Variants in THRB observed in about 807,000 individuals in gnomAD.
THRB encodes the protein nuclear receptor subfamily 1 group A member 2.
A neutral mutation model predicts 47.8 loss-of-function variants in THRB; 12 were observed. The ratio of observed to expected loss-of-function variants is 0.25; its 90% CI spans 0.16 to 0.41. The LOEUF is 0.41. Ranked by LOEUF, THRB falls within the 10% of genes least tolerant of loss-of-function variation. The pLI is 1.00. For missense variants in THRB, 348 were observed against 589.2 expected (o/e 0.59, Z 4.24); for synonymous variants, 218 against 212.2 (o/e 1.03, Z -0.24).
chr3:24,441,758 C>T (rs771220894), intron 1 of THRB, among the ~76,000 whole-genome samples: 4 of 152,170 alleles, frequency 2.6e-5, no homozygotes, highest in Non-Finnish European at 5.9e-5. Flanking sequence ...ATACCAATGA[C>T]AGATGAAACA....
intron 3 of THRB, among the ~76,000 whole-genome samples, chr3:24,233,613 A>AAGAAAGAAAGAAAGAG (rs1559684924): frequency 8.7e-5 from 12 of 137,306 alleles, no homozygotes; most frequent in African/African-American, 1.6e-4. Flanking sequence ...GAAAGAAAGA[A>AAGAAAGAAAGAAAGAG]AGAGAAAGAG....
Position 24,121,049 on chromosome 3 carries a change from T to C in THRB, c.*1835A>G, listed in dbSNP as rs144353944. On this transcript the variant is annotated 3_prime_UTR_variant, in exon 11 of 11. Coordinates refer to ENST00000646209, the MANE Select transcript of THRB (RefSeq NM_001354712.2). ...ATTTCGAGCCAATAACAAATTTACG[T>C]TCCTTAACTGTTAAGTGGGCCATAC... The C allele has an allele frequency of 2.4e-3, 372 of 152,336 alleles. No individual in the cohort carries two copies. Among genetic ancestry groups the C allele is most frequent in the African/African-American group, 8.5e-3 (353 of 41,576 alleles). The allele number at this position is 152,336 out of a possible 1,614,324, so 9.4% of individuals were successfully genotyped here.
intron 5 of THRB, among the ~76,000 whole-genome samples, chr3:24,189,072 A>G (rs1439065137): frequency 6.6e-6 from 1 of 151,830 alleles, no homozygotes; most frequent in Admixed American, 6.6e-5. Flanking sequence ...GAAAACCTAA[A>G]AGACCAGTTC....
chr3:24,134,105 TCTG>T (rs1478568302), intron 8 of THRB, among the ~76,000 whole-genome samples: 1 of 152,222 alleles, frequency 6.6e-6, no homozygotes. Flanking sequence ...AGGGCAGTTC[TCTG>T]CTGTTTACTT....
intron 3 of THRB, among the ~76,000 whole-genome samples, chr3:24,241,891 T>C (rs1286878236): frequency 1.3e-5 from 2 of 152,038 alleles, no homozygotes; most frequent in African/African-American, 2.4e-5. Flanking sequence ...AACTACTGCT[T>C]TATAGTATTG....
chr3:24,156,449 T>C lies in THRB; in HGVS notation c.284-3959A>G, dbSNP rs544538292. 6.6e-5 allele frequency among the ~76,000 whole-genome samples: 10 copies of C among 152,302 alleles called. No homozygotes were observed. In the South Asian group the frequency reaches 1.7e-3, roughly 25 times the overall value. On this transcript the variant is annotated intron_variant, in intron 5 of 10. Transcript: ENST00000646209. ...AAAGTAGATCTAAAATATAAGGTGC[T>C]GCCTAGGAGAGCAGAAGTAGCAGCA... is the stretch of plus-strand genomic sequence containing the variant.
Position 24,299,776 on chromosome 3 carries a change from TATTTA to T in THRB, c.-188-2410_-188-2406del, listed in dbSNP as rs1559869706. Among the ~76,000 whole-genome samples the T allele has an allele frequency of 1.1e-3, 99 of 90,258 alleles. 21 individuals are homozygous for T. The highest frequency in any genetic ancestry group is 2.8e-3 in the East Asian group (9 of 3,174). The allele number at this position is 90,258 out of a possible 152,430, so 59.2% of individuals were successfully genotyped here. A position where few individuals can be genotyped will look rare whatever the true frequency, so the allele number is the denominator to read the frequency against. On this transcript the variant is annotated intron_variant, in intron 2 of 10. Transcript: ENST00000646209. ...TTCTGGGGAAGTATGCTTTTTTATT[TATTTA>T]TTTATTTATTTTTTTTTTTTTAGCA... is the stretch of plus-strand genomic sequence containing the variant.
intron 2 of THRB, among the ~76,000 whole-genome samples, chr3:24,319,651 G>C (rs534964007): frequency 6.6e-5 from 10 of 152,084 alleles, no homozygotes; most frequent in Non-Finnish European, 1.5e-4. Flanking sequence ...TAGTTACATG[G>C]GTATACAACT....
At chr3:24,447,432 A>G (rs1377459587) in intron 1 of THRB, among the ~76,000 whole-genome samples, 3 of 152,174 alleles carry the variant, frequency 2.0e-5, no homozygotes, top group Admixed American at 6.5e-5. Context: ...TTCTCATGCT[A>G]CACCCTTCTT....
At chr3:24,233,555 A>AAAG (rs1553658148) in intron 3 of THRB, among the ~76,000 whole-genome samples, 3 of 19,674 alleles carry the variant, frequency 1.5e-4, no homozygotes, top group South Asian at 3.3e-3. Flanking sequence ...GAAAGAAAGA[A>AAAG]AAAGGAAGAA....
chr3:24,152,604 AACAGTAAAG>A, intron 5 of THRB, 114 bp from the exon 6 acceptor site: 1 of 704,714 alleles, frequency 1.4e-6, no homozygotes, highest in Non-Finnish European at 2.6e-6. Flanking sequence ...AAGAGGTAAC[AACAGTAAAG>A]ACTTAGTGAA....
At chr3:24,409,787 G>A (rs1281782045) in intron 1 of THRB, among the ~76,000 whole-genome samples, 1 of 151,762 alleles carries the variant, frequency 6.6e-6, no homozygotes, top group Non-Finnish European at 1.5e-5. Context: ...TACAACTGTA[G>A]AAAATAATGT....
At chr3:24,410,989 T>C (rs368003024) in intron 1 of THRB, among the ~76,000 whole-genome samples, 175 of 151,956 alleles carry the variant, frequency 1.2e-3, no homozygotes, top group African/African-American at 4.0e-3. Context: ...CCAGGCTAAA[T>C]GGTCCTGGGA....
At position 24,298,496 on chromosome 3, in the gene THRB, T is replaced by A. The variant is rs142293202; in HGVS notation, c.-188-1125A>T. ...TTTTGAGGACAAATGGCCTAACACA[T>A]CTTGTATTGCATTTGTTTATGATTA... is the stretch of plus-strand genomic sequence containing the variant. On this transcript the variant is annotated intron_variant, in intron 2 of 10. Transcript: ENST00000646209. Among the ~76,000 whole-genome samples the A allele has an allele frequency of 9.5e-3, 1,450 of 152,334 alleles. 17 individuals carry two copies. Among genetic ancestry groups the A allele is most frequent in the African/African-American group, 0.031 (1,294 of 41,556 alleles).
chr3:24,297,618 C>G (rs553446613), intron 2 of THRB, among the ~76,000 whole-genome samples: 1 of 152,336 alleles, frequency 6.6e-6, no homozygotes, highest in South Asian at 2.1e-4. Context: ...CTGGCGGCTT[C>G]GTCTTGAGGC....
intron 2 of THRB, among the ~76,000 whole-genome samples, chr3:24,314,512 G>A (rs927776037): frequency 5.9e-5 from 9 of 152,096 alleles, no homozygotes; most frequent in Non-Finnish European, 2.9e-5. Context: ...TCTGAGGAGA[G>A]GTCTTTTTTT....
chr3:24,318,625 T>C (rs2058281133), intron 2 of THRB: 1 of 152,266 alleles, frequency 6.6e-6, no homozygotes, highest in South Asian at 2.1e-4. Context: ...TCCCTGTTGC[T>C]TTCTCAATGC....
intron 3 of THRB, among the ~76,000 whole-genome samples, chr3:24,254,362 G>T (rs11718500): frequency 0.71 from 106,957 of 149,600 alleles, 38,486 homozygotes; most frequent in Middle Eastern, 0.81. Context: ...GGCACTCCAG[G>T]CTGGGCAACA....
At chr3:24,221,005 C>T (rs147528516) in intron 4 of THRB, among the ~76,000 whole-genome samples, 102 of 152,300 alleles carry the variant, frequency 6.7e-4, no homozygotes, top group Non-Finnish European at 1.2e-3. Flanking sequence ...AGAACCAAGA[C>T]AAGAAAGCAT....
Sources: allele counts gnomAD v4.1 joint callset (sites outside exome capture counted in the v4.1 genomes callset), GRCh38; gene constraint gnomAD v4.1.1; transcripts MANE v1.5; gene names NCBI Gene and HGNC (gene_info 2026-07-23, HGNC 2026-07-21).